The following PCDHA3 variants were observed in gnomAD, a reference collection of about 807,000 sequenced individuals.
PCDHA3 encodes the protein protocadherin alpha-3.
Under a neutral mutation model 62.2 loss-of-function variants are expected in PCDHA3, and 41 were observed. The observed-to-expected ratio is 0.66, with a 90% CI of 0.51 to 0.86. PCDHA3 has a LOEUF of 0.86. Among genes scored for constraint, PCDHA3 ranks in the 40% least tolerant of loss-of-function variants. The pLI, the probability that PCDHA3 is intolerant of heterozygous loss-of-function variation, is 0.00. For missense variants in PCDHA3, 1,304 were observed against 1,241.2 expected (o/e 1.05, Z -0.76); for synonymous variants, 640 against 555.4 (o/e 1.15, Z -2.14).
chr5:140,863,613 C>T, intron 1 of PCDHA3: 2 of 338,450 alleles, frequency 5.9e-6, no homozygotes, highest in South Asian at 4.9e-5. Flanking sequence ...TAATGTCCCT[C>T]ATAGTGACAT....
chr5:140,943,131 G>T (rs1360196674), intron 1 of PCDHA3, among the ~76,000 whole-genome samples: 1 of 151,626 alleles, frequency 6.6e-6, no homozygotes, highest in Non-Finnish European at 1.5e-5. Flanking sequence ...GGTAGTGGGT[G>T]CCTGTAGTCC....
At chr5:140,854,909 G>T (rs1295662316) in intron 1 of PCDHA3, among the ~76,000 whole-genome samples, 1 of 149,376 alleles carries the variant, frequency 6.7e-6, no homozygotes, top group Non-Finnish European at 1.5e-5. Flanking sequence ...AATATAACAG[G>T]GTTGAAAGCA....
chr5:140,807,842 A>C, intron 1 of PCDHA3: 1 of 1,614,174 alleles, frequency 6.2e-7, no homozygotes. Flanking sequence ...TGATGGAGGC[A>C]AACCCGAGTT....
intron 1 of PCDHA3, among the ~76,000 whole-genome samples, chr5:140,898,159 G>A (rs377677002): frequency 1.3e-5 from 2 of 151,916 alleles, no homozygotes; most frequent in South Asian, 2.1e-4. Context: ...CGCTGATGGT[G>A]GTTTCTTTTG....
intron 1 of PCDHA3, among the ~76,000 whole-genome samples, chr5:140,935,276 T>TA (rs1447867343): frequency 6.6e-6 from 1 of 152,226 alleles, no homozygotes; most frequent in African/African-American, 2.4e-5. Flanking sequence ...ACTAATCTAA[T>TA]AAAGTTCAGC....
At chr5:140,937,824 A>G (rs1229119616) in intron 1 of PCDHA3, among the ~76,000 whole-genome samples, 1 of 151,696 alleles carries the variant, frequency 6.6e-6, no homozygotes, top group African/African-American at 2.4e-5. Context: ...AGGCAGGAGA[A>G]TGGCATGAAC....
intron 1 of PCDHA3, among the ~76,000 whole-genome samples, chr5:140,818,066 G>A (rs1766274959): frequency 6.6e-6 from 1 of 152,070 alleles, no homozygotes; most frequent in Non-Finnish European, 1.5e-5. Flanking sequence ...AATCTCGCTT[G>A]CAGTTTTCAA....
At chr5:140,875,501 G>A (rs1457273881) in intron 1 of PCDHA3, 2 of 1,613,368 alleles carry the variant, frequency 1.2e-6, no homozygotes, top group Non-Finnish European at 1.7e-6. Context: ...AGAGGCCCGG[G>A]ATCCCAGCGT....
At chr5:140,843,795 T>C in intron 1 of PCDHA3, 2 of 1,353,268 alleles carry the variant, frequency 1.5e-6, no homozygotes, top group Non-Finnish European at 2.0e-6. Flanking sequence ...AGATTTAGTT[T>C]TTCACCGTAT....
intron 1 of PCDHA3, among the ~76,000 whole-genome samples, chr5:140,961,335 A>G (rs548773476): frequency 1.6e-4 from 24 of 152,322 alleles, no homozygotes; most frequent in African/African-American, 5.8e-4. Context: ...TGAGAGACCA[A>G]GAGTGGATCC....
intron 1 of PCDHA3, chr5:140,842,290 G>T: frequency 6.2e-7 from 1 of 1,610,202 alleles, no homozygotes; most frequent in South Asian, 1.1e-5. Context: ...TTGACGCCAC[G>T]GACAAAGGCC....
intron 3 of PCDHA3, among the ~76,000 whole-genome samples, chr5:140,994,582 G>A (rs1179279862): frequency 6.6e-6 from 1 of 152,062 alleles, no homozygotes; most frequent in Non-Finnish European, 1.5e-5. Context: ...GCATGCACTT[G>A]TAGTCTCAGC....
intron 1 of PCDHA3, among the ~76,000 whole-genome samples, chr5:140,976,053 A>G (rs1174656934): frequency 2.6e-5 from 4 of 152,222 alleles, no homozygotes; most frequent in Non-Finnish European, 5.9e-5. Flanking sequence ...AAATTGTGAT[A>G]GTAATATATG....
At chr5:140,843,133 C>A (rs2150353566) in intron 1 of PCDHA3, 4 of 1,595,862 alleles carry the variant, frequency 2.5e-6, no homozygotes, top group African/African-American at 2.7e-5. Context: ...CGGGCTACAA[C>A]GCGTGGCTTT....
intron 1 of PCDHA3, chr5:140,814,277 T>C (rs1218158800): frequency 1.3e-5 from 2 of 152,348 alleles, no homozygotes; most frequent in African/African-American, 2.4e-5. Context: ...CCTAGGACTG[T>C]ATTGGGTCAG....
Position 140,883,460 on chromosome 5 carries a change from G to C in PCDHA3, c.2394+79869G>C, listed in dbSNP as rs1554178305. 4 of 1,614,138 alleles carry C rather than the reference G, an allele frequency of 2.5e-6. No individual in the cohort carries two copies. The African/African-American group carries it at 5.3e-5, about 22-fold the overall frequency. On this transcript the variant is annotated intron_variant, in intron 1 of 3. Transcript: ENST00000522353. Reference sequence around the variant, plus strand: ...GACGCCGCATGTCCCCTTCAAGCTGGTGTCCACCTACAAGAACTACTACTC... The same window carrying C: ...GACGCCGCATGTCCCCTTCAAGCTGCTGTCCACCTACAAGAACTACTACTC...
In PCDHA3 at chr5:140,857,915, G is replaced by A. The variant is rs1265955881; in HGVS notation, c.2394+54324G>A. The A allele has an allele frequency of 4.6e-5, 74 of 1,597,796 alleles. 10 individuals carry two copies. The highest frequency in any genetic ancestry group is 6.0e-5 in the Non-Finnish European group (70 of 1,167,592). On this transcript the variant is annotated intron_variant, in intron 1 of 3. Transcript: ENST00000522353. ...GGTTGGTGCACGCATCCCGTTTCGC[G>A]TGGGGCTGTACACGGGCGAGATCAG...
intron 1 of PCDHA3, among the ~76,000 whole-genome samples, chr5:140,879,472 G>T (rs546855959): frequency 6.6e-6 from 1 of 152,318 alleles, no homozygotes; most frequent in South Asian, 2.1e-4. Context: ...GAATACCGTT[G>T]TGATTGGAAA....
chr5:140,911,693 CAAAT>C, intron 1 of PCDHA3, among the ~76,000 whole-genome samples: 1 of 152,156 alleles, frequency 6.6e-6, no homozygotes, highest in East Asian at 1.9e-4. Flanking sequence ...TCAGGAGTGT[CAAAT>C]GAATTTATTT....
Sources: gnomAD v4.1 joint callset for allele counts (sites outside exome capture counted in the v4.1 genomes callset) on GRCh38, gnomAD v4.1.1 for gene constraint, MANE v1.5 for transcripts, NCBI Gene and HGNC (gene_info 2026-07-23, HGNC 2026-07-21) for gene names.